Variants in TIAM1 observed in about 807,000 individuals in gnomAD.
TIAM1 encodes the protein TIAM Rac1 associated GEF 1.
TIAM1 carries 65 observed loss-of-function variants against 163.5 expected under a neutral mutation model. The ratio of observed to expected loss-of-function variants is 0.40; its 90% CI spans 0.33 to 0.49. The LOEUF is 0.49. Ranked by LOEUF, TIAM1 falls within the 20% of genes least tolerant of loss-of-function variation. The pLI is 0.77. For synonymous variants in TIAM1, 833 were observed against 810.1 expected, an observed-to-expected ratio of 1.03 and a Z score of -0.48; for missense variants, 1,789 against 2,044.7, an observed-to-expected ratio of 0.87 and a Z score of 2.41.
chr21:31,497,485 T>C (rs559775419), intron 1 of TIAM1, among the ~76,000 whole-genome samples: 3 of 152,328 alleles, frequency 2.0e-5, no homozygotes, highest in East Asian at 1.9e-4. Flanking sequence ...TATGTATTTA[T>C]TTGGATGTTA....
chr21:31,293,710 A>G (rs1347900297), intron 2 of TIAM1, among the ~76,000 whole-genome samples: 1 of 152,230 alleles, frequency 6.6e-6, no homozygotes, highest in East Asian at 1.9e-4. Context: ...GTCGCTGCGA[A>G]GAGCGGCAAG....
intron 2 of TIAM1, among the ~76,000 whole-genome samples, chr21:31,280,379 T>C (rs974726727): frequency 2.0e-4 from 31 of 152,348 alleles, no homozygotes; most frequent in Non-Finnish European, 3.4e-4. Flanking sequence ...CCTACGGCCA[T>C]CCAGGTAAGA....
chr21:31,423,960 G>A, intron 2 of TIAM1, among the ~76,000 whole-genome samples: 1 of 151,726 alleles, frequency 6.6e-6, no homozygotes, highest in Non-Finnish European at 1.5e-5. Flanking sequence ...GCACAACACT[G>A]AGAATATACT....
intron 15 of TIAM1, among the ~76,000 whole-genome samples, chr21:31,166,124 T>C (rs1444984390): frequency 6.6e-6 from 1 of 152,216 alleles, no homozygotes; most frequent in Admixed American, 6.5e-5. Flanking sequence ...CCTAAGACTG[T>C]GTGTTCCTTA....
chr21:31,373,869 C>T (rs71321381), intron 2 of TIAM1, among the ~76,000 whole-genome samples: 58 of 152,092 alleles, frequency 3.8e-4, no homozygotes, highest in African/African-American at 8.2e-4. Context: ...CTTACCTGGT[C>T]GTTCCCTCTT....
chr21:31,213,856 C>A (rs1156762510), intron 9 of TIAM1, among the ~76,000 whole-genome samples: 2 of 122,534 alleles, frequency 1.6e-5, no homozygotes, highest in African/African-American at 9.0e-5. Context: ...ATAGTTAGAC[C>A]TCATCTCTAC....
intron 1 of TIAM1, among the ~76,000 whole-genome samples, chr21:31,556,167 C>T (rs1041886895): frequency 6.6e-6 from 1 of 152,116 alleles, no homozygotes; most frequent in Non-Finnish European, 1.5e-5. Flanking sequence ...TCCCTAAGGG[C>T]GCGAGAATTC....
At chr21:31,430,125 G>A (rs2043949524) in intron 2 of TIAM1, among the ~76,000 whole-genome samples, 1 of 151,136 alleles carries the variant, frequency 6.6e-6, no homozygotes, top group African/African-American at 2.4e-5. Context: ...AGAATCGCTT[G>A]AACCCGGGAG....
At chr21:31,161,920 C>A (rs554424772) in intron 16 of TIAM1, among the ~76,000 whole-genome samples, 1 of 152,278 alleles carries the variant, frequency 6.6e-6, no homozygotes, top group African/African-American at 2.4e-5. Context: ...TTTTCTTGCT[C>A]TTACTTTAAA....
chr21:31,206,044 T>C (rs2086437286), intron 11 of TIAM1, among the ~76,000 whole-genome samples: 1 of 152,230 alleles, frequency 6.6e-6, no homozygotes, highest in Non-Finnish European at 1.5e-5. Context: ...TTCTTTAAGT[T>C]ACAATAATGT....
intron 2 of TIAM1, among the ~76,000 whole-genome samples, chr21:31,295,872 A>G (rs949580883): frequency 5.3e-5 from 8 of 152,144 alleles, no homozygotes; most frequent in Non-Finnish European, 1.0e-4. Flanking sequence ...ATGTTGGCTC[A>G]CTGCAAGCTC....
intron 5 of TIAM1, 124 bp from the exon 6 acceptor site, chr21:31,245,784 G>T: frequency 1.1e-6 from 1 of 945,180 alleles, no homozygotes; most frequent in Non-Finnish European, 1.4e-6. Context: ...AACCCAGGAA[G>T]TAAAGAGAAT....
At chr21:31,219,500 C>A (rs542658532) in intron 8 of TIAM1, among the ~76,000 whole-genome samples, 1 of 152,194 alleles carries the variant, frequency 6.6e-6, no homozygotes, top group African/African-American at 2.4e-5. Context: ...AGGGGCCTCC[C>A]CAGCAGTCAG....
rs567536657 is a variant in TIAM1 at position 31,479,426 on chromosome 21, C to T, written c.-421-15391G>A. Among the ~76,000 whole-genome samples the T allele has an allele frequency of 2.4e-4, 35 of 147,598 alleles. No homozygotes were observed. In the South Asian group the frequency reaches 6.9e-3, roughly 29 times the overall value. On this transcript the variant is annotated intron_variant, in intron 1 of 28. Coordinates refer to the TIAM1 transcript ENST00000286827. ...ACGGAGGGGCGGGCGGATGGACGGACGGACGGATGAATGGAAGGATGGATG... is the reference window on the plus strand; with the variant it reads ...ACGGAGGGGCGGGCGGATGGACGGATGGACGGATGAATGGAAGGATGGATG...
intron 27 of TIAM1, among the ~76,000 whole-genome samples, chr21:31,121,111 G>C (rs183406916): frequency 4.7e-4 from 71 of 152,222 alleles, no homozygotes; most frequent in Non-Finnish European, 7.5e-4. Context: ...GGGCAAAGGG[G>C]CACTCAACTC....
chr21:31,216,734 A>G (rs1283870220), intron 9 of TIAM1, among the ~76,000 whole-genome samples: 3 of 152,072 alleles, frequency 2.0e-5, no homozygotes, highest in Admixed American at 6.6e-5. Flanking sequence ...ATCCCGTTCC[A>G]GCCCCTGGAC....
chr21:31,430,267 CACACACAT>C (rs1326092622), intron 2 of TIAM1, among the ~76,000 whole-genome samples: 3 of 145,410 alleles, frequency 2.1e-5, no homozygotes, highest in African/African-American at 5.1e-5. Flanking sequence ...CACACACACA[CACACACAT>C]ATATATATAT....
At chr21:31,169,998 G>T (rs2084424569) in intron 15 of TIAM1, among the ~76,000 whole-genome samples, 1 of 151,890 alleles carries the variant, frequency 6.6e-6, no homozygotes, top group Admixed American at 6.6e-5. Flanking sequence ...GAAAGGAAAA[G>T]AAAAACAAGC....
At chr21:31,425,244 T>C (rs2043742508) in intron 2 of TIAM1, among the ~76,000 whole-genome samples, 1 of 152,140 alleles carries the variant, frequency 6.6e-6, no homozygotes, top group Non-Finnish European at 1.5e-5. Flanking sequence ...AGCAGGCTGC[T>C]TGCTCAGACT....
Sources: allele counts gnomAD v4.1 joint callset (sites outside exome capture counted in the v4.1 genomes callset), GRCh38; gene constraint gnomAD v4.1.1; transcripts MANE v1.5; gene names NCBI Gene and HGNC (gene_info 2026-07-23, HGNC 2026-07-21).